Variants in PTPRD observed in about 807,000 individuals in gnomAD.
PTPRD encodes protein tyrosine phosphatase receptor type D.
A neutral mutation model predicts 214.5 loss-of-function variants in PTPRD; 34 were observed. That is an observed-to-expected ratio of 0.16 (90% CI 0.12 to 0.21). The LOEUF is 0.21. PTPRD is among the 10% of genes least tolerant of loss of function. PTPRD has a pLI of 1.00. For missense variants in PTPRD, 2,545 were observed against 2,398.7 expected (o/e 1.06, Z -1.27); for synonymous variants, 1,128 against 845.7 (o/e 1.33, Z -5.79).
intron 2 of PTPRD, among the ~76,000 whole-genome samples, chr9:10,512,222 AAAGG>A (rs929825779): frequency 4.6e-5 from 7 of 151,838 alleles, no homozygotes; most frequent in African/African-American, 1.7e-4. Flanking sequence ...AGTAAAAATT[AAAGG>A]ATGTCAAGAC....
At chr9:9,457,617 T>C (rs2093189501) in intron 8 of PTPRD, among the ~76,000 whole-genome samples, 1 of 152,086 alleles carries the variant, frequency 6.6e-6, no homozygotes, top group African/African-American at 2.4e-5. Context: ...GGGAAAGATT[T>C]CACTGTGATG....
chr9:10,074,721 G>A (rs2098102570), intron 3 of PTPRD, among the ~76,000 whole-genome samples: 1 of 151,820 alleles, frequency 6.6e-6, no homozygotes, highest in Non-Finnish European at 1.5e-5. Flanking sequence ...TGAACTTCCT[G>A]CACATGTTGT....
chr9:8,323,279 A>T (rs12377530), intron 44 of PTPRD, among the ~76,000 whole-genome samples: 1 of 152,314 alleles, frequency 6.6e-6, no homozygotes, highest in Non-Finnish European at 1.5e-5. Flanking sequence ...TAATGTTCTC[A>T]TGCCTGTGAA....
chr9:9,256,881 T>A (rs906707480), intron 9 of PTPRD, among the ~76,000 whole-genome samples: 13 of 152,028 alleles, frequency 8.6e-5, no homozygotes, highest in Admixed American at 7.9e-4. Flanking sequence ...TGACATCTCC[T>A]CTCAGAGGGT....
intron 21 of PTPRD, among the ~76,000 whole-genome samples, chr9:8,512,298 T>TA (rs993491474): frequency 6.6e-6 from 1 of 152,086 alleles, no homozygotes; most frequent in Non-Finnish European, 1.5e-5. Flanking sequence ...AAGTACTTAA[T>TA]ACACAAGCAT....
At chr9:8,999,938 A>C (rs571157124) in intron 11 of PTPRD, among the ~76,000 whole-genome samples, 1 of 152,036 alleles carries the variant, frequency 6.6e-6, no homozygotes, top group Non-Finnish European at 1.5e-5. Context: ...CTAGGGTCAA[A>C]GTATCTGAGA....
At chr9:10,467,747 T>C (rs1225506301) in intron 2 of PTPRD, among the ~76,000 whole-genome samples, 4 of 151,968 alleles carry the variant, frequency 2.6e-5, no homozygotes, top group African/African-American at 9.7e-5. Context: ...ACAAATAAAA[T>C]ATAAAAGGAT....
At chr9:9,531,182 T>C (rs1156277094) in intron 8 of PTPRD, among the ~76,000 whole-genome samples, 1 of 152,116 alleles carries the variant, frequency 6.6e-6, no homozygotes, top group Admixed American at 6.6e-5. Context: ...ATATCAATTT[T>C]AACTAAATGA....
At chr9:9,758,018 C>G (rs1306339546) in intron 6 of PTPRD, among the ~76,000 whole-genome samples, 5 of 152,020 alleles carry the variant, frequency 3.3e-5, no homozygotes, top group Non-Finnish European at 7.4e-5. Context: ...ACTGCCATAT[C>G]TGCCGGTGAG....
At chr9:10,101,317 C>G (rs909756559) in intron 3 of PTPRD, among the ~76,000 whole-genome samples, 1 of 151,618 alleles carries the variant, frequency 6.6e-6, no homozygotes, top group Admixed American at 6.6e-5. Context: ...CCTCCTCAAG[C>G]AGATAAAATG....
chr9:10,009,815 T>C (rs2096560337), intron 4 of PTPRD, among the ~76,000 whole-genome samples: 1 of 151,960 alleles, frequency 6.6e-6, no homozygotes, highest in Non-Finnish European at 1.5e-5. Flanking sequence ...TGTAAAGCTC[T>C]CGTGTAACGC....
intron 5 of PTPRD, among the ~76,000 whole-genome samples, chr9:9,913,292 G>C (rs1278885030): frequency 6.6e-6 from 1 of 152,098 alleles, no homozygotes; most frequent in African/African-American, 2.4e-5. Flanking sequence ...TTAGTCAACA[G>C]TGATAATGAA....
chr9:8,349,241 TAACA>T (rs2074742844), intron 39 of PTPRD, among the ~76,000 whole-genome samples: 1 of 151,942 alleles, frequency 6.6e-6, no homozygotes. Flanking sequence ...TGCTGAGAAA[TAACA>T]AACCTCCGGC....
intron 9 of PTPRD, among the ~76,000 whole-genome samples, chr9:9,396,089 A>T (rs140505609): frequency 5.2e-4 from 79 of 152,076 alleles, no homozygotes; most frequent in Non-Finnish European, 9.6e-4. Context: ...ACAGACATAG[A>T]AGCTAGTCAA....
At chr9:10,516,167 T>A (rs2050033892) in intron 2 of PTPRD, among the ~76,000 whole-genome samples, 1 of 151,952 alleles carries the variant, frequency 6.6e-6, no homozygotes, top group African/African-American at 2.4e-5. Flanking sequence ...TTTCCACAGT[T>A]GTTTCACATT....
chr9:8,840,332 G>C (rs925905111), intron 11 of PTPRD, among the ~76,000 whole-genome samples: 2 of 152,148 alleles, frequency 1.3e-5, no homozygotes, highest in African/African-American at 2.4e-5. Flanking sequence ...AGATTTGATG[G>C]TTTTAAAAAG....
intron 35 of PTPRD, among the ~76,000 whole-genome samples, chr9:8,430,437 A>ATTT (rs4008183): frequency 0.086 from 12,253 of 142,026 alleles, 598 homozygotes; most frequent in East Asian, 0.15. Context: ...CGACAGGCTA[A>ATTT]TTTTTTTTTT....
chr9:9,711,239 T>C (rs906678933), intron 7 of PTPRD, among the ~76,000 whole-genome samples: 15 of 152,214 alleles, frequency 9.9e-5, no homozygotes, highest in African/African-American at 3.6e-4. Context: ...GTGATGTGTT[T>C]GTGAGCAGAA....
rs866350245 is a variant in PTPRD at position 8,948,449 on chromosome 9, A to T, written c.-104+70248T>A. ...TTTATATATATATTTACATATATAT[A>T]TATTTATATATATATTTACATATAT... On this transcript the variant is annotated intron_variant, in intron 11 of 45. Transcript: ENST00000381196. Among the ~76,000 whole-genome samples, 6 of 19,252 alleles carry T rather than the reference A, an allele frequency of 3.1e-4. 1 individual carries two copies. Among genetic ancestry groups the T allele is most frequent in the Non-Finnish European group, 6.8e-4 (6 of 8,876 alleles). The allele number at this position is 19,252 out of a possible 152,430, so 12.6% of individuals were successfully genotyped here.
Sources: gnomAD v4.1 joint callset for allele counts (sites outside exome capture counted in the v4.1 genomes callset) on GRCh38, gnomAD v4.1.1 for gene constraint, MANE v1.5 for transcripts, NCBI Gene and HGNC (gene_info 2026-07-23, HGNC 2026-07-21) for gene names.